The following TXNDC16 variants were observed in gnomAD, a reference collection of about 807,000 sequenced individuals.
The protein encoded by TXNDC16 is thioredoxin domain-containing protein 16.
TXNDC16 carries 74 observed loss-of-function variants against 85.6 expected under a neutral mutation model. The observed-to-expected ratio is 0.86, with a 90% confidence interval of 0.72 to 1.05. The LOEUF is 1.05. Among genes scored for constraint, TXNDC16 ranks in the 50% least tolerant of loss-of-function variants. The pLI, the probability that TXNDC16 is intolerant of heterozygous loss-of-function variation, is 0.00. For missense variants in TXNDC16, 959 were observed against 947.0 expected, an observed-to-expected ratio of 1.01 and a Z score of -0.17; for synonymous variants, 335 against 326.5, an observed-to-expected ratio of 1.03 and a Z score of -0.28.
intron 1 of TXNDC16, among the ~76,000 whole-genome samples, chr14:52,545,501 A>G (rs140052137): frequency 1.2e-3 from 177 of 152,354 alleles, no homozygotes; most frequent in Middle Eastern, 0.01. Context: ...TAGAAGTAGA[A>G]TTTATGTCTT....
intron 20 of TXNDC16, among the ~76,000 whole-genome samples, chr14:52,436,233 T>C (rs1220098579): frequency 6.6e-6 from 1 of 152,310 alleles, no homozygotes; most frequent in South Asian, 2.1e-4. Flanking sequence ...ATATTATTCA[T>C]CCATAAAAAG....
At chr14:52,437,152 A>T (rs534829486) in intron 20 of TXNDC16, among the ~76,000 whole-genome samples, 1 of 152,138 alleles carries the variant, frequency 6.6e-6, no homozygotes, top group African/African-American at 2.4e-5. Context: ...TTTTCAGAAA[A>T]GTGGATATTA....
rs188814677 is a variant in TXNDC16 at position 52,542,459 on chromosome 14, A to T, written c.161-6T>A. The stretch of plus-strand genomic sequence containing the variant: ...TACAGATGTTCTTGGGGAATCTAAA[A>T]CAACAAATGTTTCATGAATGTTTAT... On this transcript the variant is annotated splice_region_variant and splice_polypyrimidine_tract_variant and intron_variant, in intron 3 of 20. Coordinates refer to ENST00000281741, the MANE Select transcript of TXNDC16 (RefSeq NM_020784.3). 2.0e-5 allele frequency: 32 copies of T among 1,605,064 alleles called. No homozygotes were observed. The highest frequency in any genetic ancestry group is 2.6e-5 in the Non-Finnish European group (30 of 1,173,876).
chr14:52,541,483 G>A (rs1185320420), intron 4 of TXNDC16, among the ~76,000 whole-genome samples: 2 of 152,118 alleles, frequency 1.3e-5, no homozygotes, highest in Non-Finnish European at 2.9e-5. Context: ...AGTGAAATCA[G>A]TTGTTCAAAG....
chr14:52,490,254 C>T (rs567460529), intron 11 of TXNDC16, 137 bp downstream of exon 11: 40 of 525,752 alleles, frequency 7.6e-5, no homozygotes, highest in Middle Eastern at 5.1e-4. Flanking sequence ...AACATCAAAA[C>T]GTTAACAGCA....
intron 14 of TXNDC16, among the ~76,000 whole-genome samples, chr14:52,476,147 G>A (rs979044681): frequency 6.6e-6 from 1 of 152,134 alleles, no homozygotes; most frequent in African/African-American, 2.4e-5. Context: ...TACATCAAGG[G>A]AACACTCTGT....
chr14:52,441,863 T>C (rs2035173509), intron 18 of TXNDC16, among the ~76,000 whole-genome samples: 1 of 152,176 alleles, frequency 6.6e-6, no homozygotes, highest in African/African-American at 2.4e-5. Flanking sequence ...AATTCTATTA[T>C]ATTAATATTA....
intron 14 of TXNDC16, among the ~76,000 whole-genome samples, chr14:52,475,071 C>T (rs550664986): frequency 3.2e-4 from 48 of 152,252 alleles, no homozygotes; most frequent in Non-Finnish European, 5.0e-4. Context: ...GTCTAGATTA[C>T]GGGAGAAGAT....
chr14:52,515,119 G>A, intron 7 of TXNDC16, 149 bp from the exon 8 acceptor site: 1 of 480,622 alleles, frequency 2.1e-6, no homozygotes, highest in South Asian at 5.4e-5. Flanking sequence ...TTGGGAAAAT[G>A]CAGGCAGTTA....
intron 6 of TXNDC16, among the ~76,000 whole-genome samples, chr14:52,525,423 G>T (rs2037305553): frequency 6.6e-6 from 1 of 151,780 alleles, no homozygotes; most frequent in African/African-American, 2.4e-5. Context: ...CAGGCACGGT[G>T]GCTCACACCT....
intron 6 of TXNDC16, among the ~76,000 whole-genome samples, chr14:52,523,804 T>C (rs1232981529): frequency 6.6e-6 from 1 of 152,142 alleles, no homozygotes; most frequent in African/African-American, 2.4e-5. Flanking sequence ...AATTTAAGAG[T>C]ATTTCTGATC....
At chr14:52,469,503 G>A (rs1307089414) in intron 16 of TXNDC16, among the ~76,000 whole-genome samples, 1 of 152,038 alleles carries the variant, frequency 6.6e-6, no homozygotes, top group Non-Finnish European at 1.5e-5. Context: ...CCAGCACTTT[G>A]GGAGGCCAAG....
intron 20 of TXNDC16, among the ~76,000 whole-genome samples, chr14:52,434,396 G>A (rs562590892): frequency 6.6e-6 from 1 of 151,834 alleles, no homozygotes; most frequent in Non-Finnish European, 1.5e-5. Context: ...ATAATGTATG[G>A]GTAATAAATA....
intron 18 of TXNDC16, among the ~76,000 whole-genome samples, chr14:52,453,141 C>T (rs2035451049): frequency 6.6e-6 from 1 of 152,096 alleles, no homozygotes; most frequent in Admixed American, 6.6e-5. Flanking sequence ...GGTATTATTC[C>T]ATTCCAGTTA....
intron 3 of TXNDC16, 45 bp downstream of exon 3, chr14:52,543,353 A>G (rs752605341): frequency 6.4e-7 from 1 of 1,570,008 alleles, no homozygotes; most frequent in Non-Finnish European, 8.6e-7. Context: ...TTAAATAGCA[A>G]TAAAAACATC....
intron 14 of TXNDC16, among the ~76,000 whole-genome samples, chr14:52,479,783 A>C (rs2036104362): frequency 6.6e-6 from 1 of 152,082 alleles, no homozygotes; most frequent in African/African-American, 2.4e-5. Context: ...TTCCCATCAA[A>C]ATACCACCAT....
chr14:52,470,141 G>A lies in TXNDC16; in HGVS notation c.1514C>T (p.Ser505Leu), dbSNP rs545532997. The change falls in exon 16 of 21, where the codon TCG becomes TTG. Residue 505 changes from serine to leucine, a missense_variant. Ser to Leu is a moderately radical substitution (Grantham distance 145). Coordinates refer to ENST00000281741, the MANE Select transcript of TXNDC16 (RefSeq NM_020784.3). ...NRISYPVNIT[S>L]IQEAEEYLSG... ...TAAATATTCTTCTGCTTCTTGGATC[G>A]ATGTTATATTCACTGGATATGAAAT... The A allele has an allele frequency of 1.6e-5, 25 of 1,608,808 alleles. No individual in the cohort carries two copies. The highest frequency in any genetic ancestry group is 1.7e-4 in the Middle Eastern group (1 of 6,000).
rs2036381017 is a variant in TXNDC16, at chr14:52,490,749, T to A, written c.923+90A>T. The A allele has an allele frequency of 1.1e-5, 15 of 1,387,060 alleles. 1 individual carries two copies. The South Asian group carries it at 2.0e-4, about 18-fold the overall frequency. 85.9% of individuals were successfully genotyped at this position (1,387,060 alleles called of 1,614,324 possible). A position where few individuals can be genotyped will look rare whatever the true frequency, so the allele number is the denominator to read the frequency against. Reference sequence around the variant, plus strand: ...ATTGGAATCTATTAGAGATTTGAGTTTACTTATAAGTGATTAAATTACCAT... The same window carrying A: ...ATTGGAATCTATTAGAGATTTGAGTATACTTATAAGTGATTAAATTACCAT... On this transcript the variant is annotated intron_variant, in intron 10 of 20. Transcript: ENST00000281741.
At chr14:52,532,703 T>C (rs191307520) in intron 6 of TXNDC16, among the ~76,000 whole-genome samples, 311 of 152,246 alleles carry the variant, frequency 2.0e-3, no homozygotes, top group African/African-American at 7.1e-3. Context: ...CCCAAAGTGC[T>C]GAGATTACAG....
Sources: allele counts gnomAD v4.1 joint callset (sites outside exome capture counted in the v4.1 genomes callset), GRCh38; gene constraint gnomAD v4.1.1; transcripts MANE v1.5; gene names NCBI Gene and HGNC (gene_info 2026-07-23, HGNC 2026-07-21).